The following COL13A1 variants were observed in gnomAD, a reference collection of about 807,000 sequenced individuals.
The protein encoded by COL13A1 is collagen type XIII alpha 1 chain.
A neutral mutation model predicts 130.9 loss-of-function variants in COL13A1; 89 were observed. That is an observed-to-expected ratio of 0.68 (90% CI 0.57 to 0.81). COL13A1 has a LOEUF of 0.81. Ranked by LOEUF, COL13A1 falls within the 30% of genes least tolerant of loss-of-function variation. The pLI is 0.00. For missense variants in COL13A1, 879 were observed against 934.6 expected, an observed-to-expected ratio of 0.94 and a Z score of 0.78; for synonymous variants, 402 against 341.6, an observed-to-expected ratio of 1.18 and a Z score of -1.95.
At chr10:69,874,381 C>T (rs1021471333) in intron 4 of COL13A1, among the ~76,000 whole-genome samples, 6 of 152,152 alleles carry the variant, frequency 3.9e-5, no homozygotes, top group Admixed American at 3.9e-4. Context: ...ACTCTAGGCC[C>T]CACCCCAGGT....
At chr10:69,924,251 G>A (rs1007879520) in intron 24 of COL13A1, among the ~76,000 whole-genome samples, 1 of 152,202 alleles carries the variant, frequency 6.6e-6, no homozygotes, top group Non-Finnish European at 1.5e-5. Context: ...CCGTGAGCAG[G>A]TTCATCAGGA....
At chr10:69,918,356 T>G (rs1205362626) in intron 19 of COL13A1, 39 bp downstream of exon 19, 1 of 1,605,466 alleles carries the variant, frequency 6.2e-7, no homozygotes, top group African/African-American at 1.3e-5. Flanking sequence ...AGGGACAGGG[T>G]GGGAGAGAAG....
At chr10:69,846,416 G>A (rs1362462945) in intron 2 of COL13A1, among the ~76,000 whole-genome samples, 4 of 152,104 alleles carry the variant, frequency 2.6e-5, no homozygotes, top group African/African-American at 4.8e-5. Flanking sequence ...ACAGGCTGAC[G>A]GGGAGGCCAG....
At chr10:69,926,062 G>T in intron 26 of COL13A1, 190 bp downstream of exon 26, 1 of 559,252 alleles carries the variant, frequency 1.8e-6, no homozygotes, top group East Asian at 3.0e-5. Context: ...CTGGGAAATG[G>T]CCCCATTACT....
chr10:69,858,135 A>AAAAAAAAAAAAAAAAAAAT, intron 2 of COL13A1, among the ~76,000 whole-genome samples: 2 of 150,916 alleles, frequency 1.3e-5, no homozygotes, highest in Admixed American at 6.6e-5. Context: ...AAAAAAAAAA[A>AAAAAAAAAAAAAAAAAAAT]GATTGGTGCC....
intron 22 of COL13A1, 75 bp from the exon 23 acceptor site, chr10:69,922,633 C>G (rs776962041): frequency 7.4e-6 from 8 of 1,078,290 alleles, no homozygotes; most frequent in Admixed American, 2.8e-5. Context: ...GGGCCCACAC[C>G]CCATAGTGTC....
intron 15 of COL13A1, among the ~76,000 whole-genome samples, chr10:69,904,206 C>T (rs1030110758): frequency 2.6e-5 from 4 of 152,134 alleles, no homozygotes; most frequent in Non-Finnish European, 5.9e-5. Flanking sequence ...CTGACCGCTG[C>T]CCTTTCTACC....
chr10:69,817,618 T>A (rs545567299), intron 1 of COL13A1, among the ~76,000 whole-genome samples: 2 of 151,646 alleles, frequency 1.3e-5, no homozygotes, highest in Non-Finnish European at 2.9e-5. Context: ...AGGGGTGGGG[T>A]AGGAGGAGAC....
At chr10:69,865,109 G>A (rs776519670) in intron 2 of COL13A1, among the ~76,000 whole-genome samples, 9 of 152,252 alleles carry the variant, frequency 5.9e-5, no homozygotes, top group Non-Finnish European at 1.2e-4. Flanking sequence ...AGGATGGGGA[G>A]TCAGGAGACT....
chr10:69,891,934 G>A (rs534436951), intron 10 of COL13A1, among the ~76,000 whole-genome samples: 93 of 152,134 alleles, frequency 6.1e-4, no homozygotes, highest in African/African-American at 2.1e-3. Flanking sequence ...CTTACCCCTC[G>A]ATCACACCTC....
intron 1 of COL13A1, among the ~76,000 whole-genome samples, chr10:69,811,585 C>T (rs911571100): frequency 1.3e-5 from 2 of 152,126 alleles, no homozygotes; most frequent in African/African-American, 2.4e-5. Context: ...GAGGGTGCTC[C>T]GGACACCTCC....
intron 1 of COL13A1, among the ~76,000 whole-genome samples, chr10:69,807,791 C>A (rs1025991893): frequency 1.3e-5 from 2 of 152,100 alleles, no homozygotes; most frequent in East Asian, 3.9e-4. Context: ...GGATCCAGAC[C>A]CCAGCAGGCA....
Position 69,957,049 on chromosome 10 carries a change from C to T in COL13A1, c.2184+7C>T, listed in dbSNP as rs745542580. ...CCAAGGCTGCTGGAACAAGGTAAGG[C>T]TTCCCATTGGTGTGCACTGGGGCTC... On this transcript the variant is annotated splice_region_variant and intron_variant, in intron 40 of 40. Coordinates refer to ENST00000645393, the MANE Select transcript of COL13A1 (RefSeq NM_001368882.1). The T allele has an allele frequency of 2.2e-5, 36 of 1,612,580 alleles. No homozygotes were observed. The South Asian group carries it at 3.0e-4, about 13-fold the overall frequency.
At chr10:69,878,434 T>G (rs1261427678) in intron 6 of COL13A1, among the ~76,000 whole-genome samples, 4 of 151,850 alleles carry the variant, frequency 2.6e-5, no homozygotes, top group Non-Finnish European at 5.9e-5. Context: ...CCAGAAGCCA[T>G]CCTGGAACAT....
At chr10:69,812,087 G>C (rs1246752112) in intron 1 of COL13A1, among the ~76,000 whole-genome samples, 1 of 152,196 alleles carries the variant, frequency 6.6e-6, no homozygotes, top group Admixed American at 6.5e-5. Context: ...AAAAAACTAA[G>C]TGTAATCACG....
At chr10:69,804,563 G>A (rs116875015) in intron 1 of COL13A1, among the ~76,000 whole-genome samples, 7 of 151,756 alleles carry the variant, frequency 4.6e-5, no homozygotes, top group Non-Finnish European at 8.8e-5. Context: ...TGGGGAAGTT[G>A]AGCCCAGAGT....
At chr10:69,876,929 C>CCCGTCCTGT (rs997928103) in intron 5 of COL13A1, among the ~76,000 whole-genome samples, 2 of 152,210 alleles carry the variant, frequency 1.3e-5, no homozygotes, top group African/African-American at 2.4e-5. Context: ...TCTGGGCCTT[C>CCCGTCCTGT]CCGTCCTGTC....
intron 2 of COL13A1, among the ~76,000 whole-genome samples, chr10:69,858,114 T>TAAAAAAA (rs1856958979): frequency 1.7e-4 from 1 of 5,982 alleles, no homozygotes; most frequent in Non-Finnish European, 9.0e-4. Context: ...AGACTCCGTC[T>TAAAAAAA]CAAAAAAAAA....
chr10:69,943,603 C>T (rs1364206514), intron 35 of COL13A1, among the ~76,000 whole-genome samples: 5 of 152,154 alleles, frequency 3.3e-5, no homozygotes, highest in African/African-American at 1.2e-4. Context: ...GTGAGTGGGG[C>T]GAGAAGGCCC....
Sources: allele counts gnomAD v4.1 joint callset (sites outside exome capture counted in the v4.1 genomes callset), GRCh38; gene constraint gnomAD v4.1.1; transcripts MANE v1.5; gene names NCBI Gene and HGNC (gene_info 2026-07-23, HGNC 2026-07-21).